SORCS1: variants seen among roughly 807,000 people sequenced by gnomAD.
The protein encoded by SORCS1 is sortilin related VPS10 domain containing receptor 1.
Under a neutral mutation model 146.1 loss-of-function variants are expected in SORCS1, and 60 were observed. That is an observed-to-expected ratio of 0.41 (90% CI 0.33 to 0.51). The LOEUF (loss-of-function observed/expected upper bound fraction) is 0.51, where lower values mean the gene tolerates loss of function less well. Ranked by LOEUF, SORCS1 falls within the 20% of genes least tolerant of loss-of-function variation. The pLI, the probability that SORCS1 is intolerant of heterozygous loss-of-function variation, is 0.21. For synonymous variants in SORCS1, 637 were observed against 584.0 expected (o/e 1.09, Z -1.31); for missense variants, 1,352 against 1,487.6 (o/e 0.91, Z 1.50).
chr10:106,802,114 A>G (rs960776976), intron 3 of SORCS1, among the ~76,000 whole-genome samples: 12 of 152,204 alleles, frequency 7.9e-5, no homozygotes, highest in Non-Finnish European at 1.8e-4. Flanking sequence ...AGTACATGTC[A>G]TATCTTCTAA....
At chr10:106,988,505 C>G (rs1956592381) in intron 1 of SORCS1, among the ~76,000 whole-genome samples, 1 of 152,058 alleles carries the variant, frequency 6.6e-6, no homozygotes, top group African/African-American at 2.4e-5. Context: ...ATCCCTTATC[C>G]AGGAAGCTAC....
At position 106,642,004 on chromosome 10, in the gene SORCS1, T is replaced by C. The variant is rs184220712; in HGVS notation, c.2475+10378A>G. Among the ~76,000 whole-genome samples the C allele has an allele frequency of 6.2e-4, 94 of 152,268 alleles. 2 individuals carry two copies. In the East Asian group the frequency reaches 0.017, roughly 27 times the overall value. On this transcript the variant is annotated intron_variant, in intron 18 of 25. Transcript: ENST00000263054. ...GATATAAAATTGGCTCTTGGTAAAATATTTGTCAAAGAACAAATAAATAAA... is the reference window on the plus strand; with the variant it reads ...GATATAAAATTGGCTCTTGGTAAAACATTTGTCAAAGAACAAATAAATAAA...
At chr10:106,867,309 G>C (rs1398982411) in intron 2 of SORCS1, among the ~76,000 whole-genome samples, 1 of 151,298 alleles carries the variant, frequency 6.6e-6, no homozygotes, top group Non-Finnish European at 1.5e-5. Flanking sequence ...TTTTGAAACG[G>C]AGTCTCGTTC....
intron 18 of SORCS1, among the ~76,000 whole-genome samples, chr10:106,634,992 G>A (rs531470877): frequency 1.3e-5 from 2 of 152,256 alleles, no homozygotes; most frequent in African/African-American, 4.8e-5. Context: ...CAAAAGAAGT[G>A]CCTGAGAAAG....
At chr10:107,098,002 C>T (rs1964653120) in intron 1 of SORCS1, among the ~76,000 whole-genome samples, 1 of 152,166 alleles carries the variant, frequency 6.6e-6, no homozygotes, top group South Asian at 2.1e-4. Flanking sequence ...TCTGGTAAAT[C>T]TTACTTATAA....
chr10:106,680,289 A>G (rs11817518), intron 10 of SORCS1, among the ~76,000 whole-genome samples: 8,655 of 152,282 alleles, frequency 0.057, 815 homozygotes, highest in African/African-American at 0.2. Context: ...ACAGTATGTC[A>G]TCAGAAAAGA....
intron 9 of SORCS1, among the ~76,000 whole-genome samples, chr10:106,688,876 G>T (rs780281416): frequency 6.6e-6 from 1 of 152,096 alleles, no homozygotes. Context: ...ACAACTCTGC[G>T]GCTTCACAGC....
intron 2 of SORCS1, among the ~76,000 whole-genome samples, chr10:106,953,174 T>TGC (rs1017395978): frequency 7.3e-5 from 11 of 149,968 alleles, no homozygotes; most frequent in African/African-American, 2.7e-4. Flanking sequence ...TGTGTGTGTG[T>TGC]GCATGCGTGT....
At chr10:106,953,036 C>T (rs1227982355) in intron 2 of SORCS1, among the ~76,000 whole-genome samples, 2 of 151,756 alleles carry the variant, frequency 1.3e-5, no homozygotes, top group Non-Finnish European at 2.9e-5. Context: ...ATAAAATTAC[C>T]AGTTTCTAAT....
chr10:106,791,689 C>T (rs994560814), intron 3 of SORCS1, among the ~76,000 whole-genome samples: 6 of 152,080 alleles, frequency 3.9e-5, no homozygotes, highest in Non-Finnish European at 8.8e-5. Flanking sequence ...CAGAGCAAGA[C>T]ATTATTTCGA....
chr10:106,925,310 C>T (rs897525406), intron 2 of SORCS1, among the ~76,000 whole-genome samples: 1 of 152,006 alleles, frequency 6.6e-6, no homozygotes, highest in African/African-American at 2.4e-5. Context: ...CTCAGGCTGC[C>T]CTCTCTGCAT....
intron 1 of SORCS1, among the ~76,000 whole-genome samples, chr10:106,990,272 T>C (rs897117239): frequency 2.0e-5 from 3 of 152,124 alleles, no homozygotes; most frequent in Admixed American, 6.6e-5. Context: ...TACTGCTATT[T>C]CAAATTTTTC....
chr10:107,169,446 C>G (rs1970112816), upstream of SORCS1, among the ~76,000 whole-genome samples: 1 of 152,280 alleles, frequency 6.6e-6, no homozygotes, highest in Admixed American at 6.5e-5. Flanking sequence ...TGTACCCGTT[C>G]TCATACACCC....
chr10:107,056,381 G>A (rs911978111), intron 1 of SORCS1, among the ~76,000 whole-genome samples: 2 of 152,218 alleles, frequency 1.3e-5, no homozygotes, highest in Non-Finnish European at 2.9e-5. Context: ...GGGTGACGCA[G>A]AAGGAGAGCT....
chr10:106,979,737 T>G (rs1956175101), intron 1 of SORCS1, among the ~76,000 whole-genome samples: 1 of 152,200 alleles, frequency 6.6e-6, no homozygotes, highest in South Asian at 2.1e-4. Context: ...CGTGTGGCCC[T>G]CTCAGGCATT....
At chr10:107,157,727 T>C (rs1969400263) in intron 1 of SORCS1, among the ~76,000 whole-genome samples, 1 of 152,210 alleles carries the variant, frequency 6.6e-6, no homozygotes, top group African/African-American at 2.4e-5. Flanking sequence ...ACTCTAAGAT[T>C]CCACCTTTGC....
intron 2 of SORCS1, among the ~76,000 whole-genome samples, chr10:106,896,957 C>A (rs1370867750): frequency 7.1e-6 from 1 of 140,408 alleles, no homozygotes; most frequent in Non-Finnish European, 1.5e-5. Context: ...GTGGTGCAAT[C>A]TCGGCTCACT....
intron 3 of SORCS1, among the ~76,000 whole-genome samples, chr10:106,825,948 G>T (rs951457316): frequency 2.0e-5 from 3 of 152,172 alleles, no homozygotes; most frequent in African/African-American, 7.2e-5. Context: ...GACATATGTT[G>T]AGATTACAGT....
intron 1 of SORCS1, among the ~76,000 whole-genome samples, chr10:107,087,089 G>A (rs373722742): frequency 6.6e-6 from 1 of 152,116 alleles, no homozygotes; most frequent in African/African-American, 2.4e-5. Context: ...TAGACTGAGG[G>A]TTTCAATTTT....
Sources: gnomAD v4.1 joint callset for allele counts (sites outside exome capture counted in the v4.1 genomes callset) on GRCh38, gnomAD v4.1.1 for gene constraint, MANE v1.5 for transcripts, NCBI Gene and HGNC (gene_info 2026-07-23, HGNC 2026-07-21) for gene names.